The following ZNF573 variants were observed in gnomAD, a reference collection of about 807,000 sequenced individuals.
The protein encoded by ZNF573 is zinc finger protein 573.
Under a neutral mutation model 57.4 loss-of-function variants are expected in ZNF573, and 41 were observed. That is an observed-to-expected ratio of 0.71 (90% CI 0.56 to 0.93). The LOEUF is 0.93. ZNF573 is among the 40% of genes least tolerant of loss of function. ZNF573 has a pLI of 0.00. For missense variants in ZNF573, 730 were observed against 794.8 expected (o/e 0.92, Z 0.98); for synonymous variants, 249 against 261.0 (o/e 0.95, Z 0.44).
chr19:37,754,053 T>A (rs1044372893), intron 4 of ZNF573, among the ~76,000 whole-genome samples: 3 of 152,100 alleles, frequency 2.0e-5, no homozygotes, highest in Non-Finnish European at 2.9e-5. Context: ...CAATGTCAGA[T>A]ACATAAAAGG....
chr19:37,761,840 T>C (rs2045556540), intron 4 of ZNF573, among the ~76,000 whole-genome samples: 1 of 152,244 alleles, frequency 6.6e-6, no homozygotes, highest in African/African-American at 2.4e-5. Flanking sequence ...AAGGCTCCTG[T>C]GTCATGAAAA....
chr19:37,767,373 C>A (rs1284119393), intron 4 of ZNF573, among the ~76,000 whole-genome samples: 1 of 152,106 alleles, frequency 6.6e-6, no homozygotes. Flanking sequence ...GGACTACAGG[C>A]GCCCGCCACC....
intron 4 of ZNF573, among the ~76,000 whole-genome samples, chr19:37,750,379 C>T (rs2045422081): frequency 6.6e-6 from 1 of 152,166 alleles, no homozygotes. Flanking sequence ...CCACTGCGCC[C>T]AGCCATCCAA....
Position 37,765,500 on chromosome 19 carries a change from C to T in ZNF573, c.295+4505G>A, listed in dbSNP as rs374271367. ...CCGAGGCAGGCGGATCACGGGAGGTCGGGAGTTCGAGACCAGCCTGACCAA... is the reference window on the plus strand; with the variant it reads ...CCGAGGCAGGCGGATCACGGGAGGTTGGGAGTTCGAGACCAGCCTGACCAA... On this transcript the variant is annotated intron_variant, in intron 4 of 4. Coordinates refer to ENST00000536220, the MANE Select transcript of ZNF573 (RefSeq NM_001172690.2). Among the ~76,000 whole-genome samples, 66 of 151,984 alleles carry T rather than the reference C, an allele frequency of 4.3e-4. 1 individual carries two copies. The East Asian group carries it at 0.011, about 25-fold the overall frequency.
At chr19:37,756,856 T>C (rs1266183961) in intron 4 of ZNF573, among the ~76,000 whole-genome samples, 1 of 151,994 alleles carries the variant, frequency 6.6e-6, no homozygotes, top group Admixed American at 6.6e-5. Context: ...CAGTCATATA[T>C]ATAGCAATGC....
intron 4 of ZNF573, among the ~76,000 whole-genome samples, chr19:37,764,796 G>C (rs181598811): frequency 4.0e-5 from 6 of 151,538 alleles, no homozygotes; most frequent in Non-Finnish European, 5.9e-5. Context: ...GTAGAGACGG[G>C]GTTTCACTGT....
chr19:37,752,526 CCT>C (rs2045448207), intron 4 of ZNF573, among the ~76,000 whole-genome samples: 1 of 152,138 alleles, frequency 6.6e-6, no homozygotes, highest in African/African-American at 2.4e-5. Flanking sequence ...TTGCTTGATT[CCT>C]TTTTTATATG....
rs1303973663 is a variant in ZNF573 at position 37,758,244 on chromosome 19, TATATATATATATATATATATAA to T, written c.295+11739_295+11760del. ...ATATATATATATATATATATATATATATATATATATATATATATATAAAATTACCCAGTTGCTACTTTTCTGT... is the reference window on the plus strand; with the variant it reads ...ATATATATATATATATATATATATATAATTACCCAGTTGCTACTTTTCTGT... On this transcript the variant is annotated intron_variant, in intron 4 of 4. Transcript: ENST00000536220. Among the ~76,000 whole-genome samples the T allele has an allele frequency of 1.2e-4, 9 of 76,688 alleles. 1 individual carries two copies. Among genetic ancestry groups the T allele is most frequent in the Admixed American group, 1.1e-3 (7 of 6,478 alleles). 50.3% of individuals were successfully genotyped at this position (76,688 alleles called of 152,430 possible).
chr19:37,750,044 T>A (rs1034446610), intron 4 of ZNF573, among the ~76,000 whole-genome samples: 1 of 152,152 alleles, frequency 6.6e-6, no homozygotes, highest in Admixed American at 6.6e-5. Context: ...CCTCAACACA[T>A]GTATGAAGCT....
intron 4 of ZNF573, among the ~76,000 whole-genome samples, chr19:37,766,199 T>A (rs1210994049): frequency 6.6e-6 from 1 of 152,226 alleles, no homozygotes; most frequent in Non-Finnish European, 1.5e-5. Context: ...CATTTTGGAA[T>A]GTCTGATGAA....
chr19:37,750,791 A>G (rs1426934395), intron 4 of ZNF573, among the ~76,000 whole-genome samples: 1 of 150,146 alleles, frequency 6.7e-6, no homozygotes, highest in Non-Finnish European at 1.5e-5. Flanking sequence ...AGATCACACT[A>G]CTGTACTCCA....
At chr19:37,774,109 G>A (rs1043662233) in intron 1 of ZNF573, among the ~76,000 whole-genome samples, 3 of 136,774 alleles carry the variant, frequency 2.2e-5, no homozygotes, top group East Asian at 2.1e-4. Flanking sequence ...AGGACTTATC[G>A]TTCAAACTAG....
At chr19:37,772,415 G>T (rs1158434584) in intron 2 of ZNF573, among the ~76,000 whole-genome samples, 3 of 151,594 alleles carry the variant, frequency 2.0e-5, no homozygotes, top group Non-Finnish European at 2.9e-5. Flanking sequence ...TTACAGGCGT[G>T]AGCCACTGCA....
intron 4 of ZNF573, among the ~76,000 whole-genome samples, chr19:37,757,635 G>A (rs1055373111): frequency 6.6e-6 from 1 of 152,136 alleles, no homozygotes; most frequent in Non-Finnish European, 1.5e-5. Flanking sequence ...ACAGTGTGGC[G>A]ATTCCTCAGG....
At chr19:37,768,645 T>G (rs1261134238) in intron 4 of ZNF573, among the ~76,000 whole-genome samples, 1 of 152,152 alleles carries the variant, frequency 6.6e-6, no homozygotes, top group Non-Finnish European at 1.5e-5. Flanking sequence ...TAGTAGTTGT[T>G]TGCCTGCTTA....
intron 4 of ZNF573, among the ~76,000 whole-genome samples, chr19:37,743,753 GATAGAC>G (rs1038108938): frequency 6.6e-6 from 1 of 152,172 alleles, no homozygotes; most frequent in Non-Finnish European, 1.5e-5. Flanking sequence ...GCCCATCAAT[GATAGAC>G]TGGATAAAGA....
intron 4 of ZNF573, among the ~76,000 whole-genome samples, chr19:37,748,103 G>GA (rs1231131491): frequency 6.6e-6 from 1 of 151,618 alleles, no homozygotes; most frequent in Non-Finnish European, 1.5e-5. Context: ...GAAAAACAAA[G>GA]AAAAGCAGAA....
At chr19:37,740,369 C>CGTAAGATA (rs774801036) in intron 4 of ZNF573, among the ~76,000 whole-genome samples, 175 bp from the exon 5 acceptor site, 2 of 152,106 alleles carry the variant, frequency 1.3e-5, no homozygotes, top group African/African-American at 2.4e-5. Context: ...TGAGAGTTTA[C>CGTAAGATA]GTAAGATAGT....
intron 2 of ZNF573, chr19:37,772,945 T>G: frequency 1.0e-6 from 1 of 985,370 alleles, no homozygotes; most frequent in South Asian, 4.7e-5. Context: ...TACCTTCATA[T>G]ACTTTGTTGG....
Sources: gnomAD v4.1 joint callset for allele counts (sites outside exome capture counted in the v4.1 genomes callset) on GRCh38, gnomAD v4.1.1 for gene constraint, MANE v1.5 for transcripts, NCBI Gene and HGNC (gene_info 2026-07-23, HGNC 2026-07-21) for gene names.